HEMK2: variants seen among roughly 807,000 people sequenced by gnomAD.
HEMK2 encodes the protein methyltransferase HEMK2.
chr21:28,758,301 T>G, the HEMK2 span, among the ~76,000 whole-genome samples: 1 of 152,192 alleles, frequency 6.6e-6, no homozygotes, highest in Non-Finnish European at 1.5e-5. Flanking sequence ...TGATTAAGAA[T>G]GAGTTGCTCT....
chr21:28,728,404 T>C, the HEMK2 span, among the ~76,000 whole-genome samples: 2 of 152,308 alleles, frequency 1.3e-5, no homozygotes, highest in East Asian at 3.9e-4. Flanking sequence ...TTAGAAATCA[T>C]GGGGCCTCCC....
At chr21:28,614,325 G>A in the HEMK2 span, among the ~76,000 whole-genome samples, 3,442 of 150,816 alleles carry the variant, frequency 0.023, 149 homozygotes, top group African/African-American at 0.08. Flanking sequence ...TCTATGGTAC[G>A]GCTTTTAAAT....
chr21:28,853,839 G>A, the HEMK2 span, among the ~76,000 whole-genome samples: 3 of 152,152 alleles, frequency 2.0e-5, no homozygotes, highest in Admixed American at 2.0e-4. Flanking sequence ...GCTTCATCAG[G>A]GTCCTCTCAC....
chr21:28,864,478 T>C, the HEMK2 span, among the ~76,000 whole-genome samples: 2 of 152,190 alleles, frequency 1.3e-5, no homozygotes, highest in African/African-American at 2.4e-5. Flanking sequence ...TGTTGTCCCA[T>C]GAAGACTGTC....
At chr21:28,607,730 C>T in the HEMK2 span, among the ~76,000 whole-genome samples, 1 of 152,130 alleles carries the variant, frequency 6.6e-6, no homozygotes, top group African/African-American at 2.4e-5. Flanking sequence ...TTGCTCAATA[C>T]ATAGCTTGAA....
the HEMK2 span, among the ~76,000 whole-genome samples, chr21:28,830,564 GTTGT>G: frequency 6.6e-6 from 1 of 152,270 alleles, no homozygotes; most frequent in South Asian, 2.1e-4. Flanking sequence ...TCTTCAAAAT[GTTGT>G]TTATTTTTTA....
chr21:28,590,517 T>C, the HEMK2 span, among the ~76,000 whole-genome samples: 3 of 152,318 alleles, frequency 2.0e-5, no homozygotes, highest in South Asian at 6.2e-4. Flanking sequence ...AATGGTATAC[T>C]GATCATGAAA....
chr21:28,742,819 A>G, the HEMK2 span, among the ~76,000 whole-genome samples: 2 of 152,050 alleles, frequency 1.3e-5, no homozygotes, highest in African/African-American at 4.8e-5. Flanking sequence ...CTATAGACAC[A>G]TATCTATTTA....
chr21:28,663,455 G>T, the HEMK2 span, among the ~76,000 whole-genome samples: 5 of 152,236 alleles, frequency 3.3e-5, no homozygotes, highest in African/African-American at 1.2e-4. Context: ...ATGAAACACT[G>T]CGATGGGCCA....
the HEMK2 span, among the ~76,000 whole-genome samples, chr21:28,725,025 C>A: frequency 6.6e-6 from 1 of 152,132 alleles, no homozygotes; most frequent in Admixed American, 6.5e-5. Context: ...CTCAAGCAAT[C>A]CGCCCTCCTT....
the HEMK2 span, among the ~76,000 whole-genome samples, chr21:28,732,236 T>C: frequency 6.6e-6 from 1 of 152,338 alleles, no homozygotes; most frequent in East Asian, 1.9e-4. Flanking sequence ...ATGTCCTGTG[T>C]TAAAGAGAAT....
the HEMK2 span, among the ~76,000 whole-genome samples, chr21:28,693,091 C>A: frequency 6.6e-6 from 1 of 152,058 alleles, no homozygotes; most frequent in Non-Finnish European, 1.5e-5. Flanking sequence ...GATTGCATAA[C>A]TTCATGAAAA....
At chr21:28,647,084 G>C in the HEMK2 span, among the ~76,000 whole-genome samples, 1 of 151,998 alleles carries the variant, frequency 6.6e-6, no homozygotes, top group Non-Finnish European at 1.5e-5. Context: ...TCTGAAATAT[G>C]GTACAGAGAT....
the HEMK2 span, among the ~76,000 whole-genome samples, chr21:28,830,899 T>TG: frequency 1 from 146,724 of 146,742 alleles, 73,353 homozygotes; most frequent in Middle Eastern, 1. Context: ...AAAAAAAGAA[T>TG]GGTATCAGAA....
chr21:28,663,730 T>C, the HEMK2 span, among the ~76,000 whole-genome samples: 18 of 152,374 alleles, frequency 1.2e-4, no homozygotes, highest in East Asian at 3.1e-3. Flanking sequence ...CCGTCTAACC[T>C]AGCACTGTCA....
the HEMK2 span, among the ~76,000 whole-genome samples, chr21:28,746,159 CTA>C: frequency 2.0e-5 from 3 of 152,236 alleles, no homozygotes; most frequent in African/African-American, 4.8e-5. Context: ...TATAACAAAA[CTA>C]TATGAATATA....
chr21:28,610,487 A>G, the HEMK2 span, among the ~76,000 whole-genome samples: 3 of 151,772 alleles, frequency 2.0e-5, no homozygotes, highest in Admixed American at 2.0e-4. Flanking sequence ...ATAAAACAAT[A>G]CAATGAAAAA....
chr21:28,808,471 T>A, the HEMK2 span, among the ~76,000 whole-genome samples: 2 of 151,138 alleles, frequency 1.3e-5, no homozygotes, highest in African/African-American at 2.4e-5. Context: ...AGTAGATCAA[T>A]TTGATGAGAA....
the HEMK2 span, among the ~76,000 whole-genome samples, chr21:28,634,454 GCA>G: frequency 1.3e-5 from 2 of 152,208 alleles, no homozygotes; most frequent in Admixed American, 6.5e-5. Flanking sequence ...TGCACGCATA[GCA>G]CAGGACAAAA....
Sources: allele counts gnomAD v4.1 joint callset (sites outside exome capture counted in the v4.1 genomes callset), GRCh38; gene constraint gnomAD v4.1.1; transcripts MANE v1.5; gene names NCBI Gene and HGNC (gene_info 2026-07-23, HGNC 2026-07-21).